Variants in TNIK observed in about 807,000 individuals in gnomAD.
TNIK encodes TRAF2 and NCK-interacting protein kinase.
In TNIK, 49 loss-of-function variants were observed where a neutral mutation model predicts 191.3. The observed-to-expected ratio is 0.26, with a 90% CI of 0.20 to 0.32. TNIK has a LOEUF of 0.32. Among genes scored for constraint, TNIK ranks in the 10% least tolerant of loss-of-function variants. The pLI, the probability that TNIK is intolerant of heterozygous loss-of-function variation, is 1.00. For synonymous variants in TNIK, 594 were observed against 600.9 expected (o/e 0.99, Z 0.17); for missense variants, 1,155 against 1,702.3 (o/e 0.68, Z 5.66).
intron 7 of TNIK, among the ~76,000 whole-genome samples, chr3:171,181,758 G>A (rs1047680546): frequency 2.0e-5 from 3 of 152,156 alleles, no homozygotes; most frequent in Admixed American, 1.3e-4. Flanking sequence ...TAGGAGCTTC[G>A]GTTTCTGAAG....
At chr3:171,287,699 G>A (rs189549768) in intron 2 of TNIK, among the ~76,000 whole-genome samples, 40 of 152,334 alleles carry the variant, frequency 2.6e-4, no homozygotes, top group African/African-American at 7.7e-4. Context: ...TTCGAGATCA[G>A]TATTTACAGT....
intron 2 of TNIK, among the ~76,000 whole-genome samples, chr3:171,365,613 G>A (rs1715629936): frequency 6.6e-6 from 1 of 152,168 alleles, no homozygotes; most frequent in Admixed American, 6.5e-5. Flanking sequence ...ACATTCAAAG[G>A]AACTGCAGGA....
At chr3:171,406,934 A>G (rs1354394297) in intron 1 of TNIK, among the ~76,000 whole-genome samples, 2 of 152,264 alleles carry the variant, frequency 1.3e-5, no homozygotes, top group East Asian at 3.8e-4. Context: ...GTGAGACTGT[A>G]CCTTGAAGAA....
At position 171,196,884 on chromosome 3, in the gene TNIK, A is replaced by C. The variant is rs192923371; in HGVS notation, c.307-2249T>G. ...ATTCTCCTGCCTCAGCCTCTCGAGTAGCTGGGACTACAGGCACCCGCCATC... is the reference window on the plus strand; with the variant it reads ...ATTCTCCTGCCTCAGCCTCTCGAGTCGCTGGGACTACAGGCACCCGCCATC... On this transcript the variant is annotated intron_variant, in intron 4 of 32. Transcript: ENST00000436636. 9.0e-3 allele frequency among the ~76,000 whole-genome samples: 1,364 copies of C among 152,036 alleles called. 18 individuals carry two copies. The highest frequency in any genetic ancestry group is 0.031 in the African/African-American group (1,267 of 41,454).
intron 4 of TNIK, among the ~76,000 whole-genome samples, chr3:171,207,126 C>G (rs1364640144): frequency 1.3e-5 from 2 of 152,016 alleles, no homozygotes; most frequent in African/African-American, 4.8e-5. Context: ...CTAAATATTG[C>G]TGCAATGAAC....
At chr3:171,426,460 C>T (rs543008828) in intron 1 of TNIK, among the ~76,000 whole-genome samples, 31 of 150,606 alleles carry the variant, frequency 2.1e-4, no homozygotes, top group South Asian at 8.5e-4. Flanking sequence ...ATGTAAATGA[C>T]GAGTTAATGG....
intron 21 of TNIK, among the ~76,000 whole-genome samples, chr3:171,102,909 C>T (rs928884620): frequency 6.6e-6 from 1 of 152,142 alleles, no homozygotes; most frequent in Admixed American, 6.5e-5. Context: ...TACAACAAAA[C>T]ATTGTTTCTC....
At chr3:171,123,014 G>A (rs527604645) in intron 18 of TNIK, among the ~76,000 whole-genome samples, 183 of 152,332 alleles carry the variant, frequency 1.2e-3, no homozygotes, top group African/African-American at 4.3e-3. Context: ...CTGGAAGGAG[G>A]ACACAGAGCA....
chr3:171,219,066 AATAT>A (rs1433300677), intron 3 of TNIK, among the ~76,000 whole-genome samples: 3 of 47,868 alleles, frequency 6.3e-5, no homozygotes, highest in Non-Finnish European at 1.0e-4. Context: ...TAATATATTA[AATAT>A]ATAAATATAT....
chr3:171,394,927 G>A (rs571371014), intron 1 of TNIK, among the ~76,000 whole-genome samples: 13 of 152,202 alleles, frequency 8.5e-5, no homozygotes, highest in African/African-American at 2.6e-4. Flanking sequence ...TGCAGGGGGA[G>A]GAGAGAACAT....
intron 23 of TNIK, among the ~76,000 whole-genome samples, chr3:171,089,964 T>C (rs961429142): frequency 1.3e-5 from 2 of 152,180 alleles, no homozygotes; most frequent in East Asian, 1.9e-4. Context: ...TTAGGGGGCC[T>C]ACTCCTGGTC....
chr3:171,435,500 G>A (rs764259818), intron 1 of TNIK, among the ~76,000 whole-genome samples: 1 of 152,172 alleles, frequency 6.6e-6, no homozygotes, highest in Non-Finnish European at 1.5e-5. Flanking sequence ...TAGGTACAGG[G>A]ATGACTATTG....
At chr3:171,304,573 C>T (rs1303927876) in intron 2 of TNIK, among the ~76,000 whole-genome samples, 11 of 152,142 alleles carry the variant, frequency 7.2e-5, no homozygotes, top group Non-Finnish European at 1.0e-4. Flanking sequence ...ATGTTTATTG[C>T]GGCACTATTC....
intron 2 of TNIK, among the ~76,000 whole-genome samples, chr3:171,261,676 C>T (rs1384508373): frequency 2.6e-5 from 4 of 152,172 alleles, no homozygotes; most frequent in African/African-American, 9.7e-5. Flanking sequence ...AAATATGACT[C>T]ATTCATTCAA....
chr3:171,384,177 C>T (rs1718430300), intron 1 of TNIK, among the ~76,000 whole-genome samples: 1 of 152,244 alleles, frequency 6.6e-6, no homozygotes, highest in Non-Finnish European at 1.5e-5. Context: ...TCCCATTACA[C>T]TCCATTAGAG....
At chr3:171,112,262 G>A (rs73039304) in intron 18 of TNIK, among the ~76,000 whole-genome samples, 6,055 of 152,146 alleles carry the variant, frequency 0.04, 400 homozygotes, top group African/African-American at 0.14. Flanking sequence ...GCATAGTCCC[G>A]TCCCCAGTGC....
chr3:171,342,394 G>A (rs1462779986), intron 2 of TNIK, among the ~76,000 whole-genome samples: 7 of 152,196 alleles, frequency 4.6e-5, no homozygotes. Context: ...TGTTTACTCA[G>A]TAGGAATACG....
chr3:171,291,586 T>C (rs547335453), intron 2 of TNIK, among the ~76,000 whole-genome samples: 1 of 152,350 alleles, frequency 6.6e-6, no homozygotes, highest in East Asian at 1.9e-4. Context: ...CTGGCCTTCA[T>C]AGCTCCAGAT....
At chr3:171,403,769 G>GT (rs1721294834) in intron 1 of TNIK, among the ~76,000 whole-genome samples, 1 of 152,142 alleles carries the variant, frequency 6.6e-6, no homozygotes, top group African/African-American at 2.4e-5. Flanking sequence ...ATAGAGTGAG[G>GT]TTTTTTAAAG....
Sources: gnomAD v4.1 joint callset for allele counts (sites outside exome capture counted in the v4.1 genomes callset) on GRCh38, gnomAD v4.1.1 for gene constraint, MANE v1.5 for transcripts, NCBI Gene and HGNC (gene_info 2026-07-23, HGNC 2026-07-21) for gene names.